FGF10: variants seen among roughly 807,000 people sequenced by gnomAD.
FGF10 encodes fibroblast growth factor 10, also known as FGF-10.
In FGF10, 2 loss-of-function variants were observed where a neutral mutation model predicts 19.8. The observed-to-expected ratio is 0.10, with a 90% CI of 0.04 to 0.32. The LOEUF (loss-of-function observed/expected upper bound fraction) is 0.32. Ranked by LOEUF, FGF10 falls within the 10% of genes least tolerant of loss-of-function variation. The probability of loss-of-function intolerance (pLI) is 1.00; values close to 1 mark genes in which losing one functional copy is unlikely to be tolerated. For missense variants in FGF10, 191 were observed against 246.3 expected (o/e 0.78, Z 1.50); for synonymous variants, 112 against 94.0 (o/e 1.19, Z -1.10).
chr5:44,339,080 G>A lies in FGF10; in HGVS notation c.326-28550C>T, dbSNP rs531215805. ...ACTATTTTTTCTAAAAGCGATCAAA[G>A]CACACAATGAATATGATTTAAAGAG... is the stretch of plus-strand genomic sequence containing the variant. On this transcript the variant is annotated intron_variant, in intron 1 of 2. Coordinates refer to ENST00000264664, the MANE Select transcript of FGF10 (RefSeq NM_004465.2). Among the ~76,000 whole-genome samples, 7 of 152,080 alleles carry A rather than the reference G, an allele frequency of 4.6e-5. No homozygotes were observed. The East Asian group carries it at 1.2e-3, about 25-fold the overall frequency.
intron 1 of FGF10, among the ~76,000 whole-genome samples, chr5:44,326,198 G>A (rs1740610980): frequency 6.6e-6 from 1 of 152,166 alleles, no homozygotes; most frequent in South Asian, 2.1e-4. Context: ...ATAGATTATA[G>A]CTACTGTGTA....
At chr5:44,326,434 T>C (rs1740615835) in intron 1 of FGF10, among the ~76,000 whole-genome samples, 1 of 152,160 alleles carries the variant, frequency 6.6e-6, no homozygotes, top group Non-Finnish European at 1.5e-5. Context: ...GGTCTCACTC[T>C]GTCACCCATG....
chr5:44,306,580 T>C (rs1370254482), intron 2 of FGF10, among the ~76,000 whole-genome samples: 3 of 152,216 alleles, frequency 2.0e-5, no homozygotes, highest in African/African-American at 7.2e-5. Context: ...TTCTCTCACC[T>C]TGAGACTTTT....
At chr5:44,387,926 C>T (rs1229461862) in intron 1 of FGF10, among the ~76,000 whole-genome samples, 1 of 152,054 alleles carries the variant, frequency 6.6e-6, no homozygotes, top group African/African-American at 2.4e-5. Flanking sequence ...AGGAGCCTGT[C>T]CCAAAACTCT....
intron 1 of FGF10, among the ~76,000 whole-genome samples, chr5:44,343,083 T>C (rs996949388): frequency 1.3e-5 from 2 of 151,992 alleles, no homozygotes; most frequent in African/African-American, 2.4e-5. Context: ...ATAACTCGTC[T>C]AGAGTTTATA....
chr5:44,370,141 T>C (rs1741711538), intron 1 of FGF10, among the ~76,000 whole-genome samples: 1 of 152,136 alleles, frequency 6.6e-6, no homozygotes, highest in Non-Finnish European at 1.5e-5. Context: ...TTGAGAAATA[T>C]CTATTACTGC....
intron 1 of FGF10, among the ~76,000 whole-genome samples, chr5:44,339,866 A>G (rs1740929865): frequency 6.6e-6 from 1 of 152,122 alleles, no homozygotes; most frequent in South Asian, 2.1e-4. Flanking sequence ...CATCTCTTGC[A>G]TCATTCTTAT....
intron 1 of FGF10, among the ~76,000 whole-genome samples, chr5:44,378,487 T>A (rs1741914727): frequency 6.6e-6 from 1 of 152,144 alleles, no homozygotes; most frequent in Middle Eastern, 3.2e-3. Flanking sequence ...GCTGGAGTGC[T>A]GTGGCACAAT....
chr5:44,326,437 C>T (rs1740616044), intron 1 of FGF10, among the ~76,000 whole-genome samples: 1 of 152,090 alleles, frequency 6.6e-6, no homozygotes, highest in Admixed American at 6.6e-5. Flanking sequence ...CTCACTCTGT[C>T]ACCCATGCTG....
Position 44,305,209 on chromosome 5 carries a change from G to T in FGF10, c.430-17C>A. On this transcript the variant is annotated splice_polypyrimidine_tract_variant and intron_variant, in intron 2 of 2. Coordinates refer to ENST00000264664, the MANE Select transcript of FGF10 (RefSeq NM_004465.2). Reference sequence around the variant, plus strand: ...AAATTCTTTCTGCAAAGGAAAAACAGAATCTTTTATTCCTATGGTGATTGT... The same window carrying T: ...AAATTCTTTCTGCAAAGGAAAAACATAATCTTTTATTCCTATGGTGATTGT... 1.9e-6 allele frequency: 3 copies of T among 1,605,748 alleles called. No homozygotes were observed. The highest frequency in any genetic ancestry group is 2.6e-6 in the Non-Finnish European group (3 of 1,172,694).
intron 1 of FGF10, among the ~76,000 whole-genome samples, chr5:44,341,801 G>A (rs1234712290): frequency 6.6e-6 from 1 of 151,946 alleles, no homozygotes; most frequent in African/African-American, 2.4e-5. Flanking sequence ...ATCAGACAGA[G>A]CTGAACCAGG....
chr5:44,307,999 T>C (rs1437945911), intron 2 of FGF10, among the ~76,000 whole-genome samples: 2 of 152,208 alleles, frequency 1.3e-5, no homozygotes, highest in Non-Finnish European at 2.9e-5. Context: ...TGGTTCTAAG[T>C]GCTGAACAAA....
At chr5:44,306,148 A>G (rs1561195412) in intron 2 of FGF10, among the ~76,000 whole-genome samples, 1 of 152,182 alleles carries the variant, frequency 6.6e-6, no homozygotes, top group Non-Finnish European at 1.5e-5. Flanking sequence ...CTGTAATCCC[A>G]GCACTTTGGG....
At chr5:44,339,363 G>A (rs1036862457) in intron 1 of FGF10, among the ~76,000 whole-genome samples, 3 of 152,008 alleles carry the variant, frequency 2.0e-5, no homozygotes, top group Non-Finnish European at 2.9e-5. Context: ...TTTGAATGTA[G>A]AAATTATGAT....
At chr5:44,360,911 TG>T (rs1741466961) in intron 1 of FGF10, among the ~76,000 whole-genome samples, 1 of 151,676 alleles carries the variant, frequency 6.6e-6, no homozygotes. Flanking sequence ...TTTCAAAATT[TG>T]GATCTTTTAA....
intron 1 of FGF10, among the ~76,000 whole-genome samples, chr5:44,315,504 T>C (rs1307884878): frequency 6.6e-6 from 1 of 152,120 alleles, no homozygotes; most frequent in Non-Finnish European, 1.5e-5. Context: ...GTGGTAGTGG[T>C]GCTTTTCTGG....
At chr5:44,372,206 T>G (rs1044389184) in intron 1 of FGF10, among the ~76,000 whole-genome samples, 1 of 152,134 alleles carries the variant, frequency 6.6e-6, no homozygotes, top group African/African-American at 2.4e-5. Context: ...GCCTGCCTCT[T>G]TCAGCTTCTG....
rs944127995 is a variant in FGF10, at chr5:44,386,196, G to GA, written c.325+2161dup. On this transcript the variant is annotated intron_variant, in intron 1 of 2. Coordinates refer to ENST00000264664, the MANE Select transcript of FGF10 (RefSeq NM_004465.2). ...AAGATGAAATTCAGTGTGTACTGTG[G>GA]AAATCATTTTACTCTGCAGCTAATC... is the stretch of plus-strand genomic sequence containing the variant. Among the ~76,000 whole-genome samples, 16 of 151,976 alleles carry GA rather than the reference G, an allele frequency of 1.1e-4. 1 individual carries two copies. Among genetic ancestry groups the GA allele is most frequent in the African/African-American group, 3.9e-4 (16 of 41,392 alleles).
At position 44,310,502 on chromosome 5, in the gene FGF10, G is replaced by C. The variant is rs201385181; in HGVS notation, c.354C>G (p.Ile118Met). Residue 118 changes from isoleucine (I) to methionine (M), a missense_variant, in exon 2 of 3, where the codon ATC becomes ATG. Ile to Met is a conservative substitution (Grantham distance 10). Around this residue, in one of 2 missense-constraint regions of FGF10, gnomAD observed 99 missense variants for 161.7 expected, o/e 0.61. Coordinates refer to ENST00000264664, the MANE Select transcript of FGF10 (RefSeq NM_004465.2). ...YSILEITSVE[I>M]GVVAVKAINS... ...TAATGGCTTTGACGGCAACAACTCC[G>C]ATTTCTACTGATGTTATCTCCAGGA... 6.2e-7 allele frequency: 1 copy of C among 1,611,704 alleles called. No homozygotes were observed.
Sources: allele counts gnomAD v4.1 joint callset (sites outside exome capture counted in the v4.1 genomes callset), GRCh38; gene constraint gnomAD v4.1.1; regional missense constraint gnomAD v4.1.1; transcripts MANE v1.5; gene names NCBI Gene and HGNC (gene_info 2026-07-23, HGNC 2026-07-21).